Variants in WWOX observed in about 807,000 individuals in gnomAD.
The protein encoded by WWOX is WW domain containing oxidoreductase.
In WWOX, 69 loss-of-function variants were observed where a neutral mutation model predicts 46.2. The observed-to-expected ratio is 1.49, with a 90% CI of 1.23 to 1.82. The LOEUF is 1.82. WWOX is among the 40% of genes most tolerant of loss of function. The probability of loss-of-function intolerance (pLI) is 0.00; values close to 1 mark genes in which losing one functional copy is unlikely to be tolerated. For synonymous variants in WWOX, 359 were observed against 202.6 expected (o/e 1.77, Z -6.56); for missense variants, 919 against 542.6 (o/e 1.69, Z -6.89).
rs148958605 is a variant in WWOX at position 78,144,826 on chromosome 16, T to G, written c.410-19357T>G. ...GTGAGCCACCGTGCCTGGCCTGCCGTTACTTTTAATGGCAAAGATAATTCT... is the reference window on the plus strand; with the variant it reads ...GTGAGCCACCGTGCCTGGCCTGCCGGTACTTTTAATGGCAAAGATAATTCT... On this transcript the variant is annotated intron_variant, in intron 4 of 8. Transcript: ENST00000566780. Among the ~76,000 whole-genome samples, 660 of 152,084 alleles carry G rather than the reference T, an allele frequency of 4.3e-3. 7 individuals carry two copies. The highest frequency in any genetic ancestry group is 0.015 in the African/African-American group (607 of 41,502).
chr16:79,105,636 A>G (rs566901646), intron 8 of WWOX, among the ~76,000 whole-genome samples: 2 of 152,124 alleles, frequency 1.3e-5, no homozygotes, highest in African/African-American at 4.8e-5. Context: ...TCTTTTGTTT[A>G]TAGAATACTG....
intron 8 of WWOX, among the ~76,000 whole-genome samples, chr16:78,915,855 T>C (rs1382600632): frequency 1.3e-5 from 2 of 152,210 alleles, no homozygotes; most frequent in East Asian, 1.9e-4. Context: ...CACAGCTTTA[T>C]AACAGGAAGA....
In WWOX at chr16:78,531,414, T is replaced by C. The variant is rs1428643236; in HGVS notation, c.1056+98662T>C. ...TGTGCACCCTGTTTGGTTGAAACAA[T>C]TGGACAGTAAGGATGTGACTATTAT... On this transcript the variant is annotated intron_variant, in intron 8 of 8. Transcript: ENST00000566780. Among the ~76,000 whole-genome samples the C allele has an allele frequency of 2.6e-5, 4 of 152,330 alleles. 1 individual carries two copies. Among genetic ancestry groups the C allele is most frequent in the East Asian group, 1.9e-4 (1 of 5,182 alleles).
At chr16:78,314,547 G>A (rs1356115187) in intron 5 of WWOX, among the ~76,000 whole-genome samples, 4 of 142,288 alleles carry the variant, frequency 2.8e-5, no homozygotes, top group East Asian at 4.1e-4. Flanking sequence ...TTTTTGAGTC[G>A]GAGTTTTGCT....
intron 8 of WWOX, among the ~76,000 whole-genome samples, chr16:78,969,948 C>G (rs533419597): frequency 3.3e-5 from 5 of 152,078 alleles, no homozygotes; most frequent in Non-Finnish European, 4.4e-5. Context: ...TTTCACAACT[C>G]TTTGATTGTA....
At chr16:78,522,036 GT>G (rs901697358) in intron 8 of WWOX, among the ~76,000 whole-genome samples, 1 of 151,580 alleles carries the variant, frequency 6.6e-6, no homozygotes, top group Non-Finnish European at 1.5e-5. Context: ...GAATCACTTT[GT>G]AGTAAGTGGG....
At chr16:79,079,210 C>T (rs1398366623) in intron 8 of WWOX, among the ~76,000 whole-genome samples, 1 of 152,194 alleles carries the variant, frequency 6.6e-6, no homozygotes, top group African/African-American at 2.4e-5. Context: ...TTTTTAGCAT[C>T]CGCGGTCTTA....
In WWOX at chr16:79,212,210, A is replaced by G; in HGVS notation, c.*414A>G. 7.6e-6 allele frequency: 11 copies of G among 1,440,738 alleles called. No individual in the cohort carries two copies. The highest frequency in any genetic ancestry group is 9.1e-6 in the Non-Finnish European group (10 of 1,100,786). The allele number at this position is 1,440,738 out of a possible 1,614,324, so 89.2% of individuals were successfully genotyped here. A position where few individuals can be genotyped will look rare whatever the true frequency, so the allele number is the denominator to read the frequency against. On this transcript the variant is annotated 3_prime_UTR_variant, in exon 9 of 9. Transcript: ENST00000566780. ...GCTGGCCTTCTCCTACTTAGGGAAGAAAAAGCAAGTGTTCACTGCTCCTTG... is the reference window on the plus strand; with the variant it reads ...GCTGGCCTTCTCCTACTTAGGGAAGGAAAAGCAAGTGTTCACTGCTCCTTG...
chr16:78,630,280 T>C (rs910239804), intron 8 of WWOX, among the ~76,000 whole-genome samples: 2 of 152,168 alleles, frequency 1.3e-5, no homozygotes, highest in East Asian at 3.9e-4. Context: ...CAGCAGACTG[T>C]CGCAAGCTTG....
At chr16:78,927,578 C>G (rs748169153) in intron 8 of WWOX, among the ~76,000 whole-genome samples, 1 of 152,058 alleles carries the variant, frequency 6.6e-6, no homozygotes, top group Non-Finnish European at 1.5e-5. Flanking sequence ...TGCGTAGGTA[C>G]CAGCACTACA....
chr16:78,435,113 G>A (rs2083304669), intron 8 of WWOX, among the ~76,000 whole-genome samples: 1 of 152,178 alleles, frequency 6.6e-6, no homozygotes, highest in African/African-American at 2.4e-5. Context: ...AGTGTTAGCT[G>A]TTTTGGGAGT....
intron 8 of WWOX, among the ~76,000 whole-genome samples, chr16:78,838,033 A>G (rs1051410944): frequency 2.6e-5 from 4 of 152,192 alleles, no homozygotes; most frequent in African/African-American, 9.6e-5. Flanking sequence ...TTTGAGAAAG[A>G]CTGGCACAGT....
intron 8 of WWOX, among the ~76,000 whole-genome samples, chr16:78,707,235 T>G (rs1180594119): frequency 6.6e-6 from 1 of 152,178 alleles, no homozygotes; most frequent in Non-Finnish European, 1.5e-5. Flanking sequence ...CTTTTGGGAA[T>G]AAAATAATTC....
intron 8 of WWOX, among the ~76,000 whole-genome samples, chr16:78,702,019 ATATATATATATATATATATATATAT>A (rs1567501680): frequency 4.3e-5 from 5 of 117,210 alleles, no homozygotes; most frequent in African/African-American, 2.4e-4. Flanking sequence ...ATATATATAT[ATATATATATATATATATATATATAT>A]AAAATAATGC....
chr16:78,573,118 T>A (rs947440787), intron 8 of WWOX, among the ~76,000 whole-genome samples: 1 of 151,528 alleles, frequency 6.6e-6, no homozygotes, highest in African/African-American at 2.4e-5. Context: ...ACCCCGTCTG[T>A]ACCAAAAATA....
chr16:79,164,442 C>G (rs2050551577), intron 8 of WWOX, among the ~76,000 whole-genome samples: 1 of 152,208 alleles, frequency 6.6e-6, no homozygotes, highest in East Asian at 1.9e-4. Flanking sequence ...CTTTGAGGTC[C>G]TCATTATTGT....
At position 79,125,908 on chromosome 16, in the gene WWOX, C is replaced by CT. The variant is rs753631313; in HGVS notation, c.1057-85699dup. On this transcript the variant is annotated intron_variant, in intron 8 of 8. Coordinates refer to ENST00000566780, the MANE Select transcript of WWOX (RefSeq NM_016373.4). ...GTCGAAGGCGTGGTTTCTTTACTAT[C>CT]TGTCTTCTCCAGGAGACTGTCATCT... is the stretch of plus-strand genomic sequence containing the variant. 6.8e-4 allele frequency among the ~76,000 whole-genome samples: 104 copies of CT among 152,334 alleles called. 1 individual carries two copies. Among genetic ancestry groups the CT allele is most frequent in the Admixed American group, 2.2e-3 (34 of 15,304 alleles).
In WWOX at chr16:79,036,213, C is replaced by T. The variant is rs568005587; in HGVS notation, c.1057-175395C>T. On this transcript the variant is annotated intron_variant, in intron 8 of 8. Transcript: ENST00000566780. ...CAAGTAGCGTCTCAAACAGTATACC[C>T]ACTACAGCTTTCTCCCCACTCTGTC... 3.9e-5 allele frequency among the ~76,000 whole-genome samples: 6 copies of T among 152,330 alleles called. No homozygotes were observed. In the South Asian group the frequency reaches 1.0e-3, roughly 26 times the overall value.
At chr16:78,202,520 C>G (rs1283204190) in intron 5 of WWOX, among the ~76,000 whole-genome samples, 1 of 151,860 alleles carries the variant, frequency 6.6e-6, no homozygotes, top group South Asian at 2.1e-4. Flanking sequence ...CCATCACATT[C>G]ATTGACTTGG....
Sources: allele counts gnomAD v4.1 joint callset (sites outside exome capture counted in the v4.1 genomes callset), GRCh38; gene constraint gnomAD v4.1.1; transcripts MANE v1.5; gene names NCBI Gene and HGNC (gene_info 2026-07-23, HGNC 2026-07-21).